RANBP2: variants seen among roughly 807,000 people sequenced by gnomAD.
RANBP2 encodes the protein RAN binding protein 2.
Under a neutral mutation model 303.6 loss-of-function variants are expected in RANBP2, and 57 were observed. That is an observed-to-expected ratio of 0.19 (90% CI 0.15 to 0.23). RANBP2 has a LOEUF of 0.23. RANBP2 is among the 10% of genes least tolerant of loss of function. RANBP2 has a pLI of 1.00. For missense variants in RANBP2, 3,138 were observed against 3,780.8 expected, an observed-to-expected ratio of 0.83 and a Z score of 4.46; for synonymous variants, 1,167 against 1,301.5, an observed-to-expected ratio of 0.90 and a Z score of 2.23.
the RANBP2 span, among the ~76,000 whole-genome samples, chr2:109,276,412 T>A: frequency 2.0e-5 from 3 of 152,194 alleles, no homozygotes; most frequent in African/African-American, 7.2e-5. Context: ...TGACTGTCAG[T>A]CCAGGCCCGT....
the RANBP2 span, among the ~76,000 whole-genome samples, chr2:109,230,169 A>C: frequency 6.6e-6 from 1 of 151,506 alleles, no homozygotes; most frequent in African/African-American, 2.4e-5. Flanking sequence ...CGTCGTATGG[A>C]TATACTATAT....
At chr2:109,108,461 GCAAGCC>G in the RANBP2 span, among the ~76,000 whole-genome samples, 1 of 152,282 alleles carries the variant, frequency 6.6e-6, no homozygotes, top group Admixed American at 6.5e-5. Context: ...TATTGGAGAA[GCAAGCC>G]CACCATGAAT....
the RANBP2 span, among the ~76,000 whole-genome samples, chr2:109,598,747 T>A: frequency 6.6e-6 from 1 of 151,612 alleles, no homozygotes; most frequent in South Asian, 2.1e-4. Context: ...GGAGGCTAGG[T>A]TCAATTAATT....
At chr2:109,091,694 G>A in the RANBP2 span, among the ~76,000 whole-genome samples, 1 of 152,306 alleles carries the variant, frequency 6.6e-6, no homozygotes, top group East Asian at 1.9e-4. Flanking sequence ...CAGCCCAAGA[G>A]GCCTCCTAGT....
At chr2:109,322,657 T>G in the RANBP2 span, among the ~76,000 whole-genome samples, 1 of 152,238 alleles carries the variant, frequency 6.6e-6, no homozygotes, top group Non-Finnish European at 1.5e-5. Flanking sequence ...AGAAATAACC[T>G]TTTAAAAAGG....
At chr2:109,287,473 A>AT in the RANBP2 span, among the ~76,000 whole-genome samples, 1 of 152,160 alleles carries the variant, frequency 6.6e-6, no homozygotes, top group African/African-American at 2.4e-5. Flanking sequence ...TACCTAAGAG[A>AT]GATACCTCCC....
the RANBP2 span, among the ~76,000 whole-genome samples, chr2:108,984,580 CTG>C: frequency 1.3e-5 from 2 of 152,146 alleles, no homozygotes; most frequent in Admixed American, 6.5e-5. Flanking sequence ...TGCGGGTGTC[CTG>C]GTTCACTCCC....
the RANBP2 span, among the ~76,000 whole-genome samples, chr2:109,489,227 C>A: frequency 1.3e-5 from 2 of 152,232 alleles, no homozygotes; most frequent in Non-Finnish European, 2.9e-5. Context: ...TACAGTGGAA[C>A]AAATGCTGGT....
At chr2:109,501,522 TACCC>T in the RANBP2 span, 1 of 778,910 alleles carries the variant, frequency 1.3e-6, no homozygotes, top group East Asian at 2.4e-5. Context: ...GGTGGTCTCG[TACCC>T]ACCCCAGAGT....
the RANBP2 span, among the ~76,000 whole-genome samples, chr2:108,834,790 G>A: frequency 2.6e-5 from 4 of 152,014 alleles, no homozygotes; most frequent in African/African-American, 2.4e-5. Flanking sequence ...GTAGTCTCTC[G>A]TCTACTTTCT....
At chr2:109,305,114 T>C in the RANBP2 span, among the ~76,000 whole-genome samples, 1 of 152,230 alleles carries the variant, frequency 6.6e-6, no homozygotes, top group Admixed American at 6.5e-5. Flanking sequence ...GACTTCTGAT[T>C]ATTCTGATAA....
chr2:108,799,670 T>A, the RANBP2 span, among the ~76,000 whole-genome samples: 4 of 152,342 alleles, frequency 2.6e-5, no homozygotes, highest in African/African-American at 4.8e-5. Flanking sequence ...GAAATTTCTG[T>A]CTTTGGCCAA....
At chr2:109,322,087 A>C in the RANBP2 span, among the ~76,000 whole-genome samples, 1 of 152,112 alleles carries the variant, frequency 6.6e-6, no homozygotes, top group Non-Finnish European at 1.5e-5. Context: ...TAAGGGAGAG[A>C]AGCGGGGAGA....
the RANBP2 span, among the ~76,000 whole-genome samples, chr2:108,868,817 G>C: frequency 6.6e-6 from 1 of 152,182 alleles, no homozygotes; most frequent in Admixed American, 6.5e-5. Flanking sequence ...AAAGCTAAGG[G>C]TTTTTGGGCA....
At chr2:109,615,262 G>C in the RANBP2 span, 1 of 1,566,552 alleles carries the variant, frequency 6.4e-7, no homozygotes, top group Non-Finnish European at 8.6e-7. Context: ...GAGAGCAGCG[G>C]CGGAGGCTCC....
chr2:109,157,964 G>C, the RANBP2 span, among the ~76,000 whole-genome samples: 7 of 152,288 alleles, frequency 4.6e-5, no homozygotes, highest in East Asian at 9.6e-4. Context: ...TGACGAGGGA[G>C]TACTTGCCTT....
chr2:109,510,108 G>A, the RANBP2 span, among the ~76,000 whole-genome samples: 69 of 152,270 alleles, frequency 4.5e-4, no homozygotes, highest in African/African-American at 1.6e-3. Flanking sequence ...TGGCGGGAAC[G>A]GTGTGTGTGC....
the RANBP2 span, among the ~76,000 whole-genome samples, chr2:108,989,785 TG>T: frequency 6.6e-6 from 1 of 150,542 alleles, no homozygotes; most frequent in Non-Finnish European, 1.5e-5. Context: ...CTTTCAGTAT[TG>T]GGCAATTATT....
the RANBP2 span, among the ~76,000 whole-genome samples, chr2:109,230,414 TA>T: frequency 1.1e-3 from 173 of 151,530 alleles, 1 homozygote; most frequent in African/African-American, 3.9e-3. Flanking sequence ...CCATCTTTAC[TA>T]AAAAAAATGG....
Sources: allele counts gnomAD v4.1 joint callset (sites outside exome capture counted in the v4.1 genomes callset), GRCh38; gene constraint gnomAD v4.1.1; transcripts MANE v1.5; gene names NCBI Gene and HGNC (gene_info 2026-07-23, HGNC 2026-07-21).